The following GAP43 variants were observed in gnomAD, a reference collection of about 807,000 sequenced individuals.
The protein encoded by GAP43 is neuromodulin.
Under a neutral mutation model 18.6 loss-of-function variants are expected in GAP43, and 6 were observed. The ratio of observed to expected loss-of-function variants is 0.32; its 90% CI spans 0.18 to 0.64. The LOEUF (loss-of-function observed/expected upper bound fraction) is 0.64, where lower values mean the gene tolerates loss of function less well. GAP43 is among the 30% of genes least tolerant of loss of function. The pLI is 0.78. For synonymous variants in GAP43, 115 were observed against 111.4 expected (o/e 1.03, Z -0.20); for missense variants, 292 against 295.5 (o/e 0.99, Z 0.09).
At chr3:115,659,124 A>G (rs1420646468) in intron 1 of GAP43, among the ~76,000 whole-genome samples, 1 of 152,170 alleles carries the variant, frequency 6.6e-6, no homozygotes, top group Non-Finnish European at 1.5e-5. Flanking sequence ...AGGGGAGTGG[A>G]AGAGCGGCCG....
chr3:115,645,887 AC>A (rs1304678148), intron 1 of GAP43, among the ~76,000 whole-genome samples: 2 of 152,070 alleles, frequency 1.3e-5, no homozygotes, highest in African/African-American at 2.4e-5. Context: ...TAGCATGCAA[AC>A]ATATGCAGAC....
At chr3:115,645,712 G>T (rs1438896039) in intron 1 of GAP43, among the ~76,000 whole-genome samples, 1 of 151,768 alleles carries the variant, frequency 6.6e-6, no homozygotes, top group African/African-American at 2.4e-5. Flanking sequence ...AGTTTTGTTT[G>T]CATACACAAA....
intron 2 of GAP43, among the ~76,000 whole-genome samples, chr3:115,704,915 A>C (rs957294438): frequency 3.3e-5 from 5 of 152,166 alleles, no homozygotes; most frequent in African/African-American, 1.2e-4. Context: ...TAATTTCATG[A>C]ACAACTACAA....
intron 2 of GAP43, among the ~76,000 whole-genome samples, chr3:115,679,448 C>T (rs1240462174): frequency 6.6e-6 from 1 of 152,130 alleles, no homozygotes; most frequent in East Asian, 1.9e-4. Context: ...GTCCACCTCT[C>T]CCTAGTTTGC....
intron 1 of GAP43, among the ~76,000 whole-genome samples, chr3:115,633,913 C>T (rs1332269460): frequency 6.6e-6 from 1 of 152,170 alleles, no homozygotes; most frequent in South Asian, 2.1e-4. Context: ...AAATGCTACT[C>T]CTTGACATTA....
intron 2 of GAP43, among the ~76,000 whole-genome samples, chr3:115,696,572 C>CCTA (rs1709192257): frequency 1.1e-5 from 1 of 92,592 alleles, no homozygotes; most frequent in Non-Finnish European, 2.1e-5. Context: ...CTTGCTGCCC[C>CCTA]CCACCGCCCC....
At chr3:115,679,024 T>C (rs1708926376) in intron 2 of GAP43, among the ~76,000 whole-genome samples, 1 of 151,926 alleles carries the variant, frequency 6.6e-6, no homozygotes, top group African/African-American at 2.4e-5. Flanking sequence ...CCAGGTGCCC[T>C]GTACTGCATT....
chr3:115,655,459 T>G (rs1436450303), intron 1 of GAP43, among the ~76,000 whole-genome samples: 3 of 152,246 alleles, frequency 2.0e-5, no homozygotes. Flanking sequence ...GTCAGCTTAT[T>G]GTATTAGAAT....
intron 1 of GAP43, among the ~76,000 whole-genome samples, chr3:115,659,865 G>T (rs1489107328): frequency 6.6e-6 from 1 of 152,148 alleles, no homozygotes; most frequent in East Asian, 1.9e-4. Context: ...GAGGATAACA[G>T]TGATTCGCGT....
At chr3:115,699,811 T>C (rs1225883828) in intron 2 of GAP43, among the ~76,000 whole-genome samples, 1 of 152,200 alleles carries the variant, frequency 6.6e-6, no homozygotes, top group Admixed American at 6.5e-5. Flanking sequence ...TTGGGAGTCA[T>C]ATGCATCTTT....
chr3:115,698,061 ATATATTATATAT>A lies in GAP43; in HGVS notation c.628+21452_628+21463del, dbSNP rs1709224930. Among the ~76,000 whole-genome samples, 2 of 70,324 alleles carry A rather than the reference ATATATTATATAT, an allele frequency of 2.8e-5. 1 individual carries two copies. Among genetic ancestry groups the A allele is most frequent in the African/African-American group, 1.4e-4 (2 of 13,982 alleles). 46.1% of individuals were successfully genotyped at this position (70,324 alleles called of 152,430 possible). ...ATATATATTATATATTATATAAAATATATATTATATATAATATATAAAATATGTATTATATAT... is the reference window on the plus strand; with the variant it reads ...ATATATATTATATATTATATAAAATAAATATATAAAATATGTATTATATAT... On this transcript the variant is annotated intron_variant, in intron 2 of 2. Coordinates refer to ENST00000305124, the MANE Select transcript of GAP43 (RefSeq NM_002045.4).
intron 2 of GAP43, among the ~76,000 whole-genome samples, chr3:115,687,358 A>G (rs1709047941): frequency 6.6e-6 from 1 of 152,200 alleles, no homozygotes; most frequent in Non-Finnish European, 1.5e-5. Flanking sequence ...AGGTCAACAG[A>G]AAATTGATTC....
At chr3:115,706,398 G>C (rs200988826) in intron 2 of GAP43, among the ~76,000 whole-genome samples, 66 of 33,064 alleles carry the variant, frequency 2.0e-3, no homozygotes, top group Middle Eastern at 0.02. Flanking sequence ...CTACCCAGCT[G>C]GGGGGTAGGC....
chr3:115,663,517 T>G (rs557673001), intron 1 of GAP43: 2 of 1,217,690 alleles, frequency 1.6e-6, no homozygotes, highest in African/African-American at 3.1e-5. Flanking sequence ...TCTTTTGCTT[T>G]CAGAATTAAA....
At chr3:115,689,040 G>A (rs1709069858) in intron 2 of GAP43, among the ~76,000 whole-genome samples, 1 of 152,112 alleles carries the variant, frequency 6.6e-6, no homozygotes. Flanking sequence ...GCTTGCTCCT[G>A]TCCCAGGGCC....
chr3:115,698,722 C>G (rs1709256867), intron 2 of GAP43, among the ~76,000 whole-genome samples: 1 of 151,968 alleles, frequency 6.6e-6, no homozygotes, highest in Admixed American at 6.6e-5. Context: ...TGGGAAGGGA[C>G]CAGGGTGACA....
intron 1 of GAP43, among the ~76,000 whole-genome samples, chr3:115,636,865 A>G (rs887419995): frequency 6.6e-6 from 1 of 152,090 alleles, no homozygotes; most frequent in African/African-American, 2.4e-5. Flanking sequence ...ACGTAAAACG[A>G]AAGTATTGAA....
intron 2 of GAP43, among the ~76,000 whole-genome samples, chr3:115,700,196 A>G (rs1559805007): frequency 6.6e-6 from 1 of 152,222 alleles, no homozygotes; most frequent in Non-Finnish European, 1.5e-5. Flanking sequence ...GTGATGGATC[A>G]GGACAAAACA....
At chr3:115,698,197 A>AATAT (rs1709239260) in intron 2 of GAP43, among the ~76,000 whole-genome samples, 1 of 9,632 alleles carries the variant, frequency 1.0e-4, no homozygotes, top group Non-Finnish European at 1.9e-4. Flanking sequence ...TTAAATATAT[A>AATAT]TTATATATTA....
Sources: gnomAD v4.1 joint callset for allele counts (sites outside exome capture counted in the v4.1 genomes callset) on GRCh38, gnomAD v4.1.1 for gene constraint, MANE v1.5 for transcripts, NCBI Gene and HGNC (gene_info 2026-07-23, HGNC 2026-07-21) for gene names.